ALK: variants seen among roughly 807,000 people sequenced by gnomAD.
ALK encodes the protein ALK receptor tyrosine kinase.
In ALK, 74 loss-of-function variants were observed where a neutral mutation model predicts 163.1. The ratio of observed to expected loss-of-function variants is 0.45; its 90% CI spans 0.38 to 0.55. ALK has a LOEUF of 0.55. Ranked by LOEUF, ALK falls within the 20% of genes least tolerant of loss-of-function variation. The pLI, the probability that ALK is intolerant of heterozygous loss-of-function variation, is 0.00. For missense variants in ALK, 2,063 were observed against 2,105.3 expected (o/e 0.98, Z 0.39); for synonymous variants, 960 against 843.2 (o/e 1.14, Z -2.40).
intron 4 of ALK, among the ~76,000 whole-genome samples, chr2:29,493,474 A>G (rs1159582671): frequency 6.6e-6 from 1 of 152,188 alleles, no homozygotes; most frequent in East Asian, 1.9e-4. Context: ...CCTTGTTAGG[A>G]TGTTTCTAGG....
intron 5 of ALK, among the ~76,000 whole-genome samples, chr2:29,337,926 C>T (rs1161969970): frequency 6.6e-6 from 1 of 152,194 alleles, no homozygotes; most frequent in Non-Finnish European, 1.5e-5. Context: ...GGGGTGAATG[C>T]TGACATAGCT....
chr2:29,653,864 C>A (rs576750275), intron 3 of ALK, among the ~76,000 whole-genome samples: 12 of 152,084 alleles, frequency 7.9e-5, no homozygotes, highest in Non-Finnish European at 1.8e-4. Context: ...GAGTTCAAGA[C>A]CAGCCTGTCC....
chr2:29,527,113 A>G (rs567082066), intron 4 of ALK, among the ~76,000 whole-genome samples: 1 of 152,340 alleles, frequency 6.6e-6, no homozygotes, highest in African/African-American at 2.4e-5. Flanking sequence ...CTTCCACTTT[A>G]GAAGGTAAGA....
intron 1 of ALK, among the ~76,000 whole-genome samples, chr2:29,747,969 G>A (rs779913993): frequency 7.9e-5 from 12 of 152,164 alleles, no homozygotes; most frequent in African/African-American, 2.4e-4. Context: ...AACTAGCAAC[G>A]AAAGAATGAG....
chr2:29,473,348 A>G (rs1406456326), intron 4 of ALK, among the ~76,000 whole-genome samples: 1 of 152,238 alleles, frequency 6.6e-6, no homozygotes, highest in Non-Finnish European at 1.5e-5. Context: ...AGGAAAAACA[A>G]TAAAGTTTCT....
chr2:29,278,849 A>G (rs1187361111), intron 9 of ALK, among the ~76,000 whole-genome samples: 1 of 152,176 alleles, frequency 6.6e-6, no homozygotes, highest in Non-Finnish European at 1.5e-5. Context: ...CCACCAGGTC[A>G]TCATCTCCTA....
At chr2:29,665,074 C>A (rs977729072) in intron 3 of ALK, among the ~76,000 whole-genome samples, 2 of 149,306 alleles carry the variant, frequency 1.3e-5, no homozygotes, top group Admixed American at 1.3e-4. Flanking sequence ...CATTATAGCT[C>A]ACTGCAGCCT....
chr2:29,831,241 A>AGAG (rs1393486946), intron 1 of ALK, among the ~76,000 whole-genome samples: 808 of 52,754 alleles, frequency 0.015, 148 homozygotes, highest in African/African-American at 0.048. Context: ...AAGAGGAAGA[A>AGAG]GAAGAGGAAG....
chr2:29,446,337 A>G (rs1670683481), intron 4 of ALK, among the ~76,000 whole-genome samples: 1 of 152,066 alleles, frequency 6.6e-6, no homozygotes, highest in African/African-American at 2.4e-5. Flanking sequence ...TTACCAGGCT[A>G]TAACTAGGCA....
At chr2:29,465,181 C>T (rs761865662) in intron 4 of ALK, among the ~76,000 whole-genome samples, 2 of 151,900 alleles carry the variant, frequency 1.3e-5, no homozygotes, top group Non-Finnish European at 2.9e-5. Flanking sequence ...GGTACCTAAA[C>T]AAAAAGAGAT....
chr2:29,277,375 A>G (rs759177212), intron 9 of ALK, among the ~76,000 whole-genome samples: 3 of 152,234 alleles, frequency 2.0e-5, no homozygotes, highest in Non-Finnish European at 4.4e-5. Flanking sequence ...GCCAGAGAAC[A>G]ATTACTGTTT....
At chr2:29,522,017 C>T (rs72794495) in intron 4 of ALK, among the ~76,000 whole-genome samples, 17,596 of 152,240 alleles carry the variant, frequency 0.12, 1,361 homozygotes, top group Non-Finnish European at 0.18. Flanking sequence ...ACAGGAAGGA[C>T]TGTATGCACA....
intron 1 of ALK, among the ~76,000 whole-genome samples, chr2:29,786,509 C>T (rs956208394): frequency 3.9e-5 from 6 of 152,190 alleles, no homozygotes; most frequent in Non-Finnish European, 5.9e-5. Context: ...TTAAGAGCGA[C>T]GGTGCTGGAG....
intron 4 of ALK, among the ~76,000 whole-genome samples, chr2:29,466,738 T>C (rs1671223175): frequency 6.6e-6 from 1 of 152,180 alleles, no homozygotes; most frequent in Non-Finnish European, 1.5e-5. Context: ...GAAAATGAGG[T>C]AGAAAAAAGC....
intron 1 of ALK, among the ~76,000 whole-genome samples, chr2:29,790,086 T>A (rs7571379): frequency 1.3e-5 from 2 of 152,046 alleles, no homozygotes; most frequent in Non-Finnish European, 1.5e-5. Context: ...GGTAGGCATG[T>A]GGGTTAATGA....
chr2:29,535,771 C>G (rs1673236027), intron 3 of ALK, among the ~76,000 whole-genome samples: 1 of 152,186 alleles, frequency 6.6e-6, no homozygotes, highest in Non-Finnish European at 1.5e-5. Context: ...CAGCCCCAAA[C>G]TGTCAGTAAT....
intron 1 of ALK, among the ~76,000 whole-genome samples, chr2:29,852,832 TTCTCTCTCTCTCTCTC>T (rs56348355): frequency 2.1e-4 from 31 of 148,526 alleles, no homozygotes; most frequent in Admixed American, 4.7e-4. Flanking sequence ...GACCAGAGCT[TTCTCTCTCTCTCTCTC>T]TCTCTCTCTC....
intron 9 of ALK, 52 bp from the exon 10 acceptor site, chr2:29,275,548 T>G: frequency 6.3e-7 from 1 of 1,588,888 alleles, no homozygotes; most frequent in Non-Finnish European, 8.6e-7. Flanking sequence ...GGGTCTTGTC[T>G]TAGGATTCAG....
At chr2:29,614,499 C>A (rs1049906259) in intron 3 of ALK, among the ~76,000 whole-genome samples, 42 of 152,236 alleles carry the variant, frequency 2.8e-4, no homozygotes, top group Non-Finnish European at 5.3e-4. Flanking sequence ...TCTCTGTAGA[C>A]TGACAGCATG....
Sources: gnomAD v4.1 joint callset for allele counts (sites outside exome capture counted in the v4.1 genomes callset) on GRCh38, gnomAD v4.1.1 for gene constraint, MANE v1.5 for transcripts, NCBI Gene and HGNC (gene_info 2026-07-23, HGNC 2026-07-21) for gene names.